SFMBT2: variants seen among roughly 807,000 people sequenced by gnomAD.
SFMBT2 encodes the protein scm-like with four MBT domains protein 2.
A neutral mutation model predicts 110.1 loss-of-function variants in SFMBT2; 38 were observed. The observed-to-expected ratio is 0.35, with a 90% CI of 0.27 to 0.45. The LOEUF (loss-of-function observed/expected upper bound fraction) is 0.45. Among genes scored for constraint, SFMBT2 ranks in the 20% least tolerant of loss-of-function variants. SFMBT2 has a pLI of 1.00. For synonymous variants in SFMBT2, 425 were observed against 425.4 expected, an observed-to-expected ratio of 1.00 and a Z score of 0.01; for missense variants, 1,011 against 1,094.9, an observed-to-expected ratio of 0.92 and a Z score of 1.08.
chr10:7,381,710 A>G, intron 2 of SFMBT2, 89 bp downstream of exon 2: 1 of 1,376,078 alleles, frequency 7.3e-7, no homozygotes, highest in Non-Finnish European at 1.0e-6. Context: ...GAGATCTACA[A>G]ATGTTGCCCC....
rs780231630 is a variant in SFMBT2, at chr10:7,163,928, C to A, written c.2545-18G>T. ...TCAATATCCTGCAGGAAAAGAAAGG[C>A]AGGTTAGAGAAGGGGCAGTGTGCAC... On this transcript the variant is annotated intron_variant, in intron 20 of 20. Transcript: ENST00000397167. This position sits in a 1 kb window ranked among gnomAD's most constrained non-coding sequence, Gnocchi z 4.8. 1.9e-6 allele frequency: 3 copies of A among 1,609,454 alleles called. No individual in the cohort carries two copies. In the South Asian group the frequency reaches 3.3e-5, roughly 18 times the overall value.
At chr10:7,255,152 T>G (rs1588389211) in intron 7 of SFMBT2, among the ~76,000 whole-genome samples, 1 of 152,158 alleles carries the variant, frequency 6.6e-6, no homozygotes, top group South Asian at 2.1e-4. Flanking sequence ...GGGCATGCAT[T>G]CATTTACACA....
In SFMBT2 at chr10:7,404,482, G is replaced by A. The variant is rs534237906; in HGVS notation, c.-52+6379C>T. The stretch of plus-strand genomic sequence containing the variant: ...AAAACTCACAAGATGAAAACCTGCC[G>A]CTTCTCCCCCATGTCCCACACCTCC... On this transcript the variant is annotated intron_variant, in intron 1 of 20. Coordinates refer to ENST00000397167, the MANE Select transcript of SFMBT2 (RefSeq NM_001387889.1). 1.6e-3 allele frequency among the ~76,000 whole-genome samples: 248 copies of A among 152,278 alleles called. 1 individual carries two copies. The highest frequency in any genetic ancestry group is 2.6e-3 in the Non-Finnish European group (174 of 68,026).
intron 15 of SFMBT2, among the ~76,000 whole-genome samples, chr10:7,191,969 T>C (rs994973765): frequency 3.3e-5 from 5 of 152,232 alleles, no homozygotes; most frequent in African/African-American, 1.2e-4. Context: ...CAAAATCTTA[T>C]CCTATGCTAT....
At chr10:7,372,983 G>C (rs1358651083) in intron 2 of SFMBT2, among the ~76,000 whole-genome samples, 2 of 152,212 alleles carry the variant, frequency 1.3e-5, no homozygotes, top group African/African-American at 2.4e-5. Flanking sequence ...GTGTTCGAGT[G>C]TCACTTCTGT....
At chr10:7,189,328 C>G in intron 15 of SFMBT2, 1 of 249,366 alleles carries the variant, frequency 4.0e-6, no homozygotes. Flanking sequence ...ATCATATTTC[C>G]CCCATCCACC....
At chr10:7,181,384 C>T (rs943135844) in intron 16 of SFMBT2, among the ~76,000 whole-genome samples, 1 of 151,674 alleles carries the variant, frequency 6.6e-6, no homozygotes, top group African/African-American at 2.4e-5. Context: ...AAATCCAAAA[C>T]ACTTCTGGTC....
intron 11 of SFMBT2, among the ~76,000 whole-genome samples, chr10:7,208,110 A>T (rs1839209203): frequency 6.6e-6 from 1 of 152,364 alleles, no homozygotes; most frequent in East Asian, 1.9e-4. Context: ...GAATCAAACA[A>T]GAAAGAATAT....
chr10:7,274,471 G>A (rs1694141691), intron 7 of SFMBT2, among the ~76,000 whole-genome samples: 1 of 152,196 alleles, frequency 6.6e-6, no homozygotes, highest in South Asian at 2.1e-4. Flanking sequence ...TCTCCTGATA[G>A]TGAGTAAGCT....
chr10:7,262,356 G>A (rs895531590), intron 7 of SFMBT2, among the ~76,000 whole-genome samples: 3 of 151,602 alleles, frequency 2.0e-5, no homozygotes, highest in African/African-American at 7.2e-5. Flanking sequence ...TATTAATAGA[G>A]AATGGAATAG....
intron 4 of SFMBT2, among the ~76,000 whole-genome samples, chr10:7,365,671 G>A (rs1844870901): frequency 6.6e-6 from 1 of 152,202 alleles, no homozygotes; most frequent in South Asian, 2.1e-4. Flanking sequence ...TCTGACACAA[G>A]CTACCATGGG....
chr10:7,227,307 G>A (rs748699007), intron 10 of SFMBT2, among the ~76,000 whole-genome samples: 2 of 152,194 alleles, frequency 1.3e-5, no homozygotes, highest in Non-Finnish European at 2.9e-5. Context: ...TCTAACAGGG[G>A]AACAGATGGC....
rs998257999 is a variant in SFMBT2, at chr10:7,342,501, C to T, written c.436+25148G>A. Among the ~76,000 whole-genome samples the T allele has an allele frequency of 6.7e-5, 10 of 150,318 alleles. No individual in the cohort carries two copies. In the East Asian group the frequency reaches 7.8e-4, roughly 12 times the overall value. ...TCGGCTCACTGCAAACTCCGCCTCC[C>T]GGGTTCATGCCATTCTCCTGCCTCA... On this transcript the variant is annotated intron_variant, in intron 4 of 20. Coordinates refer to ENST00000397167, the MANE Select transcript of SFMBT2 (RefSeq NM_001387889.1).
chr10:7,163,615 A>G lies in SFMBT2; in HGVS notation c.*155T>C, dbSNP rs947776276. On this transcript the variant is annotated 3_prime_UTR_variant, in exon 21 of 21. Transcript: ENST00000397167. This position sits in a 1 kb window ranked among gnomAD's most constrained non-coding sequence, Gnocchi z 4.8. ...CTTTGAAAACATGGAAACAGCTCACAGGCTGGCGGAGGCAGAAGATCCTGG... is the reference window on the plus strand; with the variant it reads ...CTTTGAAAACATGGAAACAGCTCACGGGCTGGCGGAGGCAGAAGATCCTGG... 6.2e-6 allele frequency: 4 copies of G among 649,052 alleles called. No individual in the cohort carries two copies. Among genetic ancestry groups the G allele is most frequent in the Admixed American group, 3.0e-5 (1 of 33,304 alleles). The allele number at this position is 649,052 out of a possible 1,614,324, so 40.2% of individuals were successfully genotyped here.
At chr10:7,245,742 A>C (rs1307057216) in intron 8 of SFMBT2, among the ~76,000 whole-genome samples, 1 of 152,192 alleles carries the variant, frequency 6.6e-6, no homozygotes, top group Non-Finnish European at 1.5e-5. Context: ...TCTCAACACC[A>C]AAAACACACC....
intron 4 of SFMBT2, among the ~76,000 whole-genome samples, chr10:7,325,562 A>G (rs1843356479): frequency 2.6e-5 from 4 of 152,218 alleles, no homozygotes; most frequent in African/African-American, 9.7e-5. Context: ...ACCCTCACAT[A>G]TAACTATTTT....
chr10:7,178,695 T>C (rs1196408535), intron 16 of SFMBT2, among the ~76,000 whole-genome samples: 3 of 152,174 alleles, frequency 2.0e-5, no homozygotes, highest in African/African-American at 7.2e-5. Flanking sequence ...AGGTAATGAA[T>C]TCACCAGTGT....
At chr10:7,210,888 G>C (rs1839325606) in intron 11 of SFMBT2, among the ~76,000 whole-genome samples, 1 of 150,892 alleles carries the variant, frequency 6.6e-6, no homozygotes. Flanking sequence ...CAGGCTGAAG[G>C]AAATGACAGA....
At chr10:7,303,011 T>TA (rs34419665) in intron 4 of SFMBT2, among the ~76,000 whole-genome samples, 357 of 150,528 alleles carry the variant, frequency 2.4e-3, no homozygotes, top group Middle Eastern at 0.014. Context: ...GTTACAATGT[T>TA]AAAAAAAAAA....
Sources: gnomAD v4.1 joint callset for allele counts (sites outside exome capture counted in the v4.1 genomes callset) on GRCh38, gnomAD v4.1.1 for gene constraint, Gnocchi (gnomAD v3.1) non-coding constraint, MANE v1.5 for transcripts, NCBI Gene and HGNC (gene_info 2026-07-23, HGNC 2026-07-21) for gene names.